ACACA: variants seen among roughly 807,000 people sequenced by gnomAD.
ACACA encodes acetyl-CoA carboxylase alpha.
Under a neutral mutation model 296.1 loss-of-function variants are expected in ACACA, and 103 were observed. The ratio of observed to expected loss-of-function variants is 0.35; its 90% confidence interval spans 0.30 to 0.41. The LOEUF is 0.41. Ranked by LOEUF, ACACA falls within the 10% of genes least tolerant of loss-of-function variation. The probability of loss-of-function intolerance (pLI) is 1.00; values close to 1 mark genes in which losing one functional copy is unlikely to be tolerated. For synonymous variants in ACACA, 953 were observed against 1,038.6 expected, an observed-to-expected ratio of 0.92 and a Z score of 1.58; for missense variants, 1,554 against 2,989.7, an observed-to-expected ratio of 0.52 and a Z score of 11.20.
intron 45 of ACACA, among the ~76,000 whole-genome samples, chr17:37,135,326 C>T (rs950951016): frequency 2.0e-4 from 30 of 152,312 alleles, no homozygotes; most frequent in Non-Finnish European, 3.5e-4. Flanking sequence ...ATTTTTTCCC[C>T]ACTTTATTGC....
At chr17:37,311,597 T>C (rs1008397460) in intron 3 of ACACA, among the ~76,000 whole-genome samples, 65 of 152,030 alleles carry the variant, frequency 4.3e-4, no homozygotes, top group African/African-American at 1.5e-3. Flanking sequence ...AGGCAGGAAA[T>C]GGCACAAATG....
intron 1 of ACACA, among the ~76,000 whole-genome samples, chr17:37,395,100 C>T (rs983299425): frequency 6.6e-6 from 1 of 151,818 alleles, no homozygotes; most frequent in Non-Finnish European, 1.5e-5. Flanking sequence ...AATAAAAAGA[C>T]ACATACAAAA....
chr17:37,257,977 A>G (rs1317521569), intron 13 of ACACA, 111 bp from the exon 14 acceptor site: 2 of 1,420,054 alleles, frequency 1.4e-6, no homozygotes, highest in Non-Finnish European at 2.0e-6. Context: ...GAGAAGACAC[A>G]CAAAAATGAT....
At chr17:37,131,822 T>C (rs889628811) in intron 45 of ACACA, among the ~76,000 whole-genome samples, 18 of 152,236 alleles carry the variant, frequency 1.2e-4, no homozygotes, top group African/African-American at 4.3e-4. Flanking sequence ...TGCTCTCAGA[T>C]TACTGTTTTC....
chr17:37,184,200 T>C (rs576923520), intron 39 of ACACA, among the ~76,000 whole-genome samples: 48 of 152,244 alleles, frequency 3.2e-4, no homozygotes, highest in South Asian at 2.7e-3. Context: ...GAAATATACA[T>C]GTAACTCCTC....
intron 1 of ACACA, among the ~76,000 whole-genome samples, chr17:37,359,286 G>A (rs1456648687): frequency 6.6e-6 from 1 of 152,184 alleles, no homozygotes; most frequent in African/African-American, 2.4e-5. Flanking sequence ...GCCGCCGGGG[G>A]GCGAGGCGCG....
At chr17:37,249,926 A>G (rs1486361320) in intron 16 of ACACA, among the ~76,000 whole-genome samples, 2 of 152,194 alleles carry the variant, frequency 1.3e-5, no homozygotes, top group South Asian at 2.1e-4. Flanking sequence ...ATGGTAGTGA[A>G]TAAGTCTCAC....
At chr17:37,310,824 T>C (rs1170040923) in intron 3 of ACACA, among the ~76,000 whole-genome samples, 10 of 121,544 alleles carry the variant, frequency 8.2e-5, no homozygotes, top group Non-Finnish European at 1.7e-5. Flanking sequence ...AGAAAGAAAA[T>C]GTATATCAAG....
At chr17:37,335,742 G>A (rs1052660800) in intron 2 of ACACA, among the ~76,000 whole-genome samples, 5 of 152,142 alleles carry the variant, frequency 3.3e-5, no homozygotes, top group African/African-American at 1.2e-4. Flanking sequence ...ATGGTGACAT[G>A]GAATGGGTCG....
chr17:37,354,703 T>C (rs2049052939), intron 1 of ACACA, among the ~76,000 whole-genome samples: 1 of 151,936 alleles, frequency 6.6e-6, no homozygotes, highest in African/African-American at 2.4e-5. Context: ...AGTCGGAGGA[T>C]CACTTGAAGC....
At chr17:37,372,707 C>CT (rs2049853336) in intron 1 of ACACA, among the ~76,000 whole-genome samples, 1 of 152,088 alleles carries the variant, frequency 6.6e-6, no homozygotes, top group Non-Finnish European at 1.5e-5. Flanking sequence ...AAACTCATAA[C>CT]TTTTTTCCTG....
At chr17:37,293,191 C>A (rs1369716043) in intron 3 of ACACA, among the ~76,000 whole-genome samples, 2 of 152,240 alleles carry the variant, frequency 1.3e-5, no homozygotes, top group South Asian at 2.1e-4. Flanking sequence ...CCCCTCCTTA[C>A]CGGTTCCTTA....
intron 22 of ACACA, among the ~76,000 whole-genome samples, chr17:37,242,982 C>A (rs1460295935): frequency 6.6e-6 from 1 of 152,030 alleles, no homozygotes; most frequent in African/African-American, 2.4e-5. Context: ...TTGCAGTGAG[C>A]CGAGATCAGC....
chr17:37,116,769 C>CT (rs1359974540), intron 50 of ACACA, among the ~76,000 whole-genome samples: 1 of 152,204 alleles, frequency 6.6e-6, no homozygotes, highest in African/African-American at 2.4e-5. Flanking sequence ...TGGCAACAAT[C>CT]TGACACACAA....
intron 50 of ACACA, 132 bp downstream of exon 50, chr17:37,121,223 A>G: frequency 8.4e-7 from 1 of 1,192,720 alleles, no homozygotes; most frequent in Non-Finnish European, 1.2e-6. Context: ...AAGATGTCTC[A>G]GAGAGGGCAG....
chr17:37,100,087 G>A (rs1346992729), intron 52 of ACACA, among the ~76,000 whole-genome samples: 1 of 152,178 alleles, frequency 6.6e-6, no homozygotes, highest in African/African-American at 2.4e-5. Flanking sequence ...AAGGGAAAGG[G>A]AACACTCTCT....
At chr17:37,090,219 A>G (rs577925577) in intron 54 of ACACA, among the ~76,000 whole-genome samples, 224 of 152,324 alleles carry the variant, frequency 1.5e-3, no homozygotes, top group African/African-American at 4.8e-3. Context: ...AAAACTGAGC[A>G]CTAGGCTATT....
intron 41 of ACACA, among the ~76,000 whole-genome samples, chr17:37,174,014 A>ATTTTTT (rs1184132097): frequency 4.3e-4 from 6 of 14,006 alleles, no homozygotes; most frequent in Admixed American, 1.5e-3. Flanking sequence ...ATATATATAT[A>ATTTTTT]TATATATTTT....
intron 35 of ACACA, among the ~76,000 whole-genome samples, chr17:37,198,504 T>C (rs990968951): frequency 6.6e-6 from 1 of 152,234 alleles, no homozygotes; most frequent in African/African-American, 2.4e-5. Context: ...TGTTTATCCA[T>C]GGGCTTTCAT....
Sources: allele counts gnomAD v4.1 joint callset (sites outside exome capture counted in the v4.1 genomes callset), GRCh38; gene constraint gnomAD v4.1.1; transcripts MANE v1.5; gene names NCBI Gene and HGNC (gene_info 2026-07-23, HGNC 2026-07-21).